Variants in FRMD4B observed in about 807,000 individuals in gnomAD.
FRMD4B encodes FERM domain-containing protein 4B.
FRMD4B carries 74 observed loss-of-function variants against 141.5 expected under a neutral mutation model. The ratio of observed to expected loss-of-function variants is 0.52; its 90% CI spans 0.43 to 0.63. The LOEUF (loss-of-function observed/expected upper bound fraction) is 0.63, where lower values mean the gene tolerates loss of function less well. Among genes scored for constraint, FRMD4B ranks in the 30% least tolerant of loss-of-function variants. The pLI, the probability that FRMD4B is intolerant of heterozygous loss-of-function variation, is 0.00. For synonymous variants in FRMD4B, 506 were observed against 467.9 expected (o/e 1.08, Z -1.05); for missense variants, 1,366 against 1,253.4 (o/e 1.09, Z -1.36).
intron 1 of FRMD4B, among the ~76,000 whole-genome samples, chr3:69,512,254 C>T (rs745688981): frequency 6.6e-6 from 1 of 152,150 alleles, no homozygotes; most frequent in Non-Finnish European, 1.5e-5. Context: ...TTGGGCCCTA[C>T]TTAATGCTTT....
At chr3:69,308,040 C>T (rs571102720) in intron 3 of FRMD4B, among the ~76,000 whole-genome samples, 1 of 152,260 alleles carries the variant, frequency 6.6e-6, no homozygotes. Flanking sequence ...TATTTAAAGT[C>T]TACCTTACCT....
At chr3:69,529,287 G>A (rs1046439192) in intron 1 of FRMD4B, among the ~76,000 whole-genome samples, 30 of 152,162 alleles carry the variant, frequency 2.0e-4, no homozygotes, top group African/African-American at 7.2e-4. Context: ...CGTAATTGCT[G>A]TTGATTGATT....
intron 1 of FRMD4B, among the ~76,000 whole-genome samples, chr3:69,469,792 T>G (rs1380855184): frequency 2.6e-5 from 4 of 152,234 alleles, no homozygotes; most frequent in African/African-American, 9.6e-5. Flanking sequence ...TTTTATATAG[T>G]TAAGATACAA....
chr3:69,486,580 C>T (rs1244900970), intron 1 of FRMD4B, among the ~76,000 whole-genome samples: 1 of 152,176 alleles, frequency 6.6e-6, no homozygotes, highest in East Asian at 1.9e-4. Flanking sequence ...CCTATAACTT[C>T]ACTCTGGAGT....
chr3:69,461,852 GC>G (rs906825840), intron 1 of FRMD4B, among the ~76,000 whole-genome samples: 3 of 152,088 alleles, frequency 2.0e-5, no homozygotes, highest in Non-Finnish European at 4.4e-5. Flanking sequence ...TTAACAGAGT[GC>G]CACTTTCCCT....
At chr3:69,454,600 G>GTGCCGGGTCCCCCAGCAC (rs1705556785) in intron 1 of FRMD4B, among the ~76,000 whole-genome samples, 1 of 152,210 alleles carries the variant, frequency 6.6e-6, no homozygotes, top group South Asian at 2.1e-4. Context: ...TGCGGAGGGT[G>GTGCCGGGTCCCCCAGCAC]TGCCGGGTCC....
intron 1 of FRMD4B, among the ~76,000 whole-genome samples, chr3:69,528,392 T>C (rs1170238869): frequency 2.0e-5 from 3 of 151,690 alleles, no homozygotes; most frequent in Non-Finnish European, 4.4e-5. Flanking sequence ...TGAGACACAG[T>C]GTCACTCTGT....
At chr3:69,224,923 GATTATA>G (rs1158634610) in intron 7 of FRMD4B, among the ~76,000 whole-genome samples, 2 of 152,072 alleles carry the variant, frequency 1.3e-5, no homozygotes, top group African/African-American at 4.8e-5. Context: ...ACGTAACTAT[GATTATA>G]ATTGTACATT....
chr3:69,526,067 A>C lies in FRMD4B; in HGVS notation c.-129+16139T>G, dbSNP rs150873143. Reference sequence around the variant, plus strand: ...GCTTGCTTCCAACTGCCAGCACCTGAATTTCTCTGCTGAGGACTTTCTTGT... The same window carrying C: ...GCTTGCTTCCAACTGCCAGCACCTGCATTTCTCTGCTGAGGACTTTCTTGT... On this transcript the variant is annotated intron_variant, in intron 1 of 5. Coordinates refer to the FRMD4B transcript ENST00000459638. 8.1e-4 allele frequency among the ~76,000 whole-genome samples: 123 copies of C among 152,240 alleles called. 1 individual carries two copies. Among genetic ancestry groups the C allele is most frequent in the South Asian group, 4.1e-4 (2 of 4,826 alleles).
Position 69,182,649 on chromosome 3 carries a change from A to T in FRMD4B, c.1988T>A (p.Met663Lys), listed in dbSNP as rs781308604. The T allele has an allele frequency of 6.2e-7, 1 of 1,613,816 alleles. No individual in the cohort carries two copies. The highest frequency in any genetic ancestry group is 8.5e-7 in the Non-Finnish European group (1 of 1,179,756). ...LERRPQGGRS[M>K]PTTPVLTRNA... ...TCGGGTAAGAACTGGCGTGGTGGGCATGCTTCGTCCTCCCTGGGGCCGCCT... is the reference window on the plus strand; with the variant it reads ...TCGGGTAAGAACTGGCGTGGTGGGCTTGCTTCGTCCTCCCTGGGGCCGCCT... Residue 663 changes from methionine to lysine, a missense_variant, in exon 20 of 23, where the codon ATG (methionine) becomes AAG (lysine). Physicochemically the swap from Met to Lys is moderately conservative, Grantham distance 95. Coordinates refer to ENST00000398540, the MANE Select transcript of FRMD4B (RefSeq NM_015123.3).
At chr3:69,524,015 T>C (rs1480673198) in intron 1 of FRMD4B, among the ~76,000 whole-genome samples, 1 of 152,180 alleles carries the variant, frequency 6.6e-6, no homozygotes, top group Non-Finnish European at 1.5e-5. Context: ...AATAAGCAAA[T>C]GCTCACCACC....
Position 69,171,632 on chromosome 3 carries a change from A to C in FRMD4B, c.*229T>G, listed in dbSNP as rs1192504989. 1 of 465,510 alleles carries C rather than the reference A, an allele frequency of 2.1e-6. No homozygotes were observed. The allele number at this position is 465,510 out of a possible 1,614,324, so 28.8% of individuals were successfully genotyped here. On this transcript the variant is annotated 3_prime_UTR_variant, in exon 23 of 23. Coordinates refer to ENST00000398540, the MANE Select transcript of FRMD4B (RefSeq NM_015123.3). ...TGGCAATACTTCAACATGTGGGCAG[A>C]CCCTACAGTTACGTTAGTGCCTAGA... is the stretch of plus-strand genomic sequence containing the variant.
intron 1 of FRMD4B, among the ~76,000 whole-genome samples, chr3:69,464,187 C>A (rs13320243): frequency 0.031 from 4,656 of 152,280 alleles, 251 homozygotes; most frequent in African/African-American, 0.11. Flanking sequence ...TTGTATTAAA[C>A]TTTTGCTTAT....
At chr3:69,196,177 G>T in intron 14 of FRMD4B, 78 bp downstream of exon 14, 1 of 1,069,102 alleles carries the variant, frequency 9.4e-7, no homozygotes, top group South Asian at 1.6e-5. Context: ...ATTAAAAGAT[G>T]AATTTCGAAG....
chr3:69,199,056 G>C (rs2092939283), intron 11 of FRMD4B: 1 of 310,504 alleles, frequency 3.2e-6, no homozygotes, highest in Non-Finnish European at 6.1e-6. Flanking sequence ...GGATCACGAG[G>C]TCAGGAGATC....
At chr3:69,440,660 T>A (rs1313766934) in intron 1 of FRMD4B, among the ~76,000 whole-genome samples, 1 of 152,050 alleles carries the variant, frequency 6.6e-6, no homozygotes, top group African/African-American at 2.4e-5. Flanking sequence ...ATACAAAAAT[T>A]AGCCAGGTGT....
rs530279332 is a variant in FRMD4B, at chr3:69,168,969, G to T, written c.*2892C>A. On this transcript the variant is annotated 3_prime_UTR_variant, in exon 23 of 23. Transcript: ENST00000398540. ...TAGATCAGTATGTCTTGATACAGAG[G>T]CCCAAGATATATTAGGCAGAAAACA... 7.4e-5 allele frequency among the ~76,000 whole-genome samples: 11 copies of T among 148,466 alleles called. No individual in the cohort carries two copies. The highest frequency in any genetic ancestry group is 2.7e-4 in the African/African-American group (11 of 40,558).
chr3:69,218,733 A>T (rs1204875686), intron 9 of FRMD4B, among the ~76,000 whole-genome samples: 3 of 152,214 alleles, frequency 2.0e-5, no homozygotes, highest in Admixed American at 2.0e-4. Flanking sequence ...TTTGGGTCAT[A>T]CTCATAAGTT....
At chr3:69,418,405 G>A (rs1485899104) in intron 2 of FRMD4B, among the ~76,000 whole-genome samples, 1 of 152,104 alleles carries the variant, frequency 6.6e-6, no homozygotes. Context: ...CTTGAGTGTA[G>A]CCAGGGCTTG....
Sources: allele counts gnomAD v4.1 joint callset (sites outside exome capture counted in the v4.1 genomes callset), GRCh38; gene constraint gnomAD v4.1.1; transcripts MANE v1.5; gene names NCBI Gene and HGNC (gene_info 2026-07-23, HGNC 2026-07-21).